RABEP1: variants seen among roughly 807,000 people sequenced by gnomAD.
RABEP1 encodes the protein rab GTPase-binding effector protein 1.
Under a neutral mutation model 123.4 loss-of-function variants are expected in RABEP1, and 51 were observed. That is an observed-to-expected ratio of 0.41 (90% CI 0.33 to 0.52). The LOEUF is 0.52. Among genes scored for constraint, RABEP1 ranks in the 20% least tolerant of loss-of-function variants. The pLI, the probability that RABEP1 is intolerant of heterozygous loss-of-function variation, is 0.16. For synonymous variants in RABEP1, 347 were observed against 355.2 expected, an observed-to-expected ratio of 0.98 and a Z score of 0.26; for missense variants, 888 against 996.3, an observed-to-expected ratio of 0.89 and a Z score of 1.46.
intron 11 of RABEP1, among the ~76,000 whole-genome samples, chr17:5,367,082 TCC>T (rs1910064331): frequency 6.9e-6 from 1 of 145,614 alleles, no homozygotes; most frequent in South Asian, 2.2e-4. Flanking sequence ...AGAGTGAAAC[TCC>T]GTCTGAAAGA....
rs911782669 is a variant in RABEP1, at chr17:5,312,746, C to T, written c.163+3924C>T. Among the ~76,000 whole-genome samples the T allele has an allele frequency of 3.6e-4, 55 of 152,252 alleles. 1 individual carries two copies. Among genetic ancestry groups the T allele is most frequent in the African/African-American group, 1.3e-3 (54 of 41,550 alleles). On this transcript the variant is annotated intron_variant, in intron 2 of 17. Transcript: ENST00000537505. ...GTTTCTATTCCCAAGAAAGAATAGTCTACTGTGGTAGATAATACATTTTGC... is the reference window on the plus strand; with the variant it reads ...GTTTCTATTCCCAAGAAAGAATAGTTTACTGTGGTAGATAATACATTTTGC...
At chr17:5,316,623 A>G (rs2075299074) in intron 2 of RABEP1, among the ~76,000 whole-genome samples, 1 of 151,710 alleles carries the variant, frequency 6.6e-6, no homozygotes, top group African/African-American at 2.4e-5. Context: ...GCATGAGGTC[A>G]GGAGTTCAAG....
chr17:5,319,147 T>C (rs1281514638), intron 2 of RABEP1, among the ~76,000 whole-genome samples: 2 of 151,744 alleles, frequency 1.3e-5, no homozygotes, highest in African/African-American at 2.4e-5. Context: ...CTGGCCAACA[T>C]GGTGAAACCC....
chr17:5,289,663 A>G (rs1420182016), intron 1 of RABEP1, among the ~76,000 whole-genome samples: 1 of 152,198 alleles, frequency 6.6e-6, no homozygotes, highest in Non-Finnish European at 1.5e-5. Context: ...TAAAGAATAC[A>G]AGACTAGTAG....
At chr17:5,350,195 A>G (rs918254194) in intron 6 of RABEP1, among the ~76,000 whole-genome samples, 3 of 152,128 alleles carry the variant, frequency 2.0e-5, no homozygotes, top group East Asian at 1.9e-4. Flanking sequence ...CCTGGCTAAC[A>G]TGGTGAAACC....
intron 2 of RABEP1, among the ~76,000 whole-genome samples, chr17:5,324,613 A>G (rs1567522680): frequency 6.6e-6 from 1 of 152,248 alleles, no homozygotes; most frequent in Non-Finnish European, 1.5e-5. Context: ...CAATAAGGGA[A>G]ACAAAGTGAA....
At chr17:5,331,474 G>A (rs980077804) in intron 2 of RABEP1, among the ~76,000 whole-genome samples, 2 of 152,182 alleles carry the variant, frequency 1.3e-5, no homozygotes, top group African/African-American at 4.8e-5. Context: ...AAGATGGTAA[G>A]AGGGAGCCGA....
At chr17:5,346,733 T>A in intron 5 of RABEP1, 57 bp from the exon 6 acceptor site, 1 of 1,376,890 alleles carries the variant, frequency 7.3e-7, no homozygotes, top group Middle Eastern at 2.0e-4. Flanking sequence ...CATCATTCTG[T>A]ATCTAAGATA....
intron 7 of RABEP1, among the ~76,000 whole-genome samples, chr17:5,351,958 A>G (rs1355581512): frequency 1.3e-5 from 2 of 151,968 alleles, no homozygotes; most frequent in Admixed American, 1.3e-4. Flanking sequence ...TGTCATCTCA[A>G]ATAATCTTGC....
At chr17:5,372,825 G>A (rs1597394192) in intron 12 of RABEP1, among the ~76,000 whole-genome samples, 1 of 151,868 alleles carries the variant, frequency 6.6e-6, no homozygotes, top group Admixed American at 6.6e-5. Context: ...GTGCAATCTC[G>A]GCTCACTGCA....
intron 2 of RABEP1, among the ~76,000 whole-genome samples, chr17:5,316,196 A>G (rs1482018876): frequency 2.0e-5 from 3 of 152,154 alleles, no homozygotes; most frequent in African/African-American, 7.2e-5. Flanking sequence ...CATGCCTGTA[A>G]TCCTATCACT....
At chr17:5,328,945 A>G (rs1435051449) in intron 2 of RABEP1, among the ~76,000 whole-genome samples, 1 of 151,614 alleles carries the variant, frequency 6.6e-6, no homozygotes, top group Non-Finnish European at 1.5e-5. Flanking sequence ...AAAAAAAAAA[A>G]TAAATTATTA....
chr17:5,373,224 C>T (rs1234520529), intron 12 of RABEP1, 90 bp from the exon 13 acceptor site: 8 of 1,282,750 alleles, frequency 6.2e-6, no homozygotes, highest in Non-Finnish European at 7.5e-6. Flanking sequence ...CCTCAGCACT[C>T]CTTTAGTTTG....
intron 8 of RABEP1, among the ~76,000 whole-genome samples, chr17:5,357,555 C>G (rs762696919): frequency 3.9e-5 from 6 of 151,940 alleles, no homozygotes; most frequent in Non-Finnish European, 4.4e-5. Context: ...ATTTTTAGTA[C>G]AGACAAGTCT....
chr17:5,301,940 G>A (rs544295125), intron 1 of RABEP1, among the ~76,000 whole-genome samples: 1 of 152,216 alleles, frequency 6.6e-6, no homozygotes, highest in East Asian at 1.9e-4. Flanking sequence ...TGGCAAAAAA[G>A]CTAGAGTAGA....
chr17:5,348,537 C>T (rs975580597), intron 6 of RABEP1, among the ~76,000 whole-genome samples: 4 of 151,986 alleles, frequency 2.6e-5, no homozygotes, highest in Non-Finnish European at 5.9e-5. Context: ...CTGGGCAGTT[C>T]GGATCCTCTG....
Position 5,385,384 on chromosome 17 carries a change from G to A in RABEP1, c.*2161G>A. Reference sequence around the variant, plus strand: ...TCTGTGCCTACATGTTCTCATGCATGTCTAACCTGATTTACCTCTTACCTG... The same window carrying A: ...TCTGTGCCTACATGTTCTCATGCATATCTAACCTGATTTACCTCTTACCTG... On this transcript the variant is annotated 3_prime_UTR_variant, in exon 18 of 18. Transcript: ENST00000537505. 4.3e-6 allele frequency: 1 copy of A among 230,546 alleles called. No individual in the cohort carries two copies. The highest frequency in any genetic ancestry group is 6.2e-5 in the East Asian group (1 of 16,196). 14.3% of individuals were successfully genotyped at this position (230,546 alleles called of 1,614,324 possible). A position where few individuals can be genotyped will look rare whatever the true frequency, so the allele number is the denominator to read the frequency against.
chr17:5,287,099 C>T (rs775109013), intron 1 of RABEP1, among the ~76,000 whole-genome samples: 2 of 152,018 alleles, frequency 1.3e-5, no homozygotes, highest in Non-Finnish European at 2.9e-5. Flanking sequence ...GGGCCTGGGG[C>T]AAGAGTGTAG....
chr17:5,282,764 G>C (rs566444628), intron 1 of RABEP1, among the ~76,000 whole-genome samples: 3 of 151,152 alleles, frequency 2.0e-5, no homozygotes, highest in African/African-American at 7.2e-5. Context: ...AGGGAAGGGC[G>C]TGGGGAGGCT....
Sources: allele counts gnomAD v4.1 joint callset (sites outside exome capture counted in the v4.1 genomes callset), GRCh38; gene constraint gnomAD v4.1.1; transcripts MANE v1.5; gene names NCBI Gene and HGNC (gene_info 2026-07-23, HGNC 2026-07-21).